Variants in R3HDM2 observed in about 807,000 individuals in gnomAD.
R3HDM2 encodes the protein R3H domain containing 2.
In R3HDM2, 38 loss-of-function variants were observed where a neutral mutation model predicts 124.5. That is an observed-to-expected ratio of 0.31 (90% CI 0.24 to 0.40). The LOEUF (loss-of-function observed/expected upper bound fraction) is 0.40, where lower values mean the gene tolerates loss of function less well. Among genes scored for constraint, R3HDM2 ranks in the 10% least tolerant of loss-of-function variants. R3HDM2 has a pLI of 1.00. For missense variants in R3HDM2, 869 were observed against 1,236.9 expected (o/e 0.70, Z 4.46); for synonymous variants, 391 against 448.0 (o/e 0.87, Z 1.61).
At chr12:57,416,227 A>C (rs2069584553) in intron 1 of R3HDM2, among the ~76,000 whole-genome samples, 1 of 152,166 alleles carries the variant, frequency 6.6e-6, no homozygotes, top group South Asian at 2.1e-4. Flanking sequence ...CTATGTATGT[A>C]GGGAGGGAGC....
At chr12:57,397,922 G>A (rs1252826884) in intron 1 of R3HDM2, among the ~76,000 whole-genome samples, 1 of 152,146 alleles carries the variant, frequency 6.6e-6, no homozygotes, top group Non-Finnish European at 1.5e-5. Flanking sequence ...AGTGGCTCAC[G>A]CCTATAATCC....
At chr12:57,260,399 G>A (rs546861305) in intron 19 of R3HDM2, among the ~76,000 whole-genome samples, 7 of 151,944 alleles carry the variant, frequency 4.6e-5, no homozygotes, top group African/African-American at 1.4e-4. Flanking sequence ...GACTGAATGC[G>A]ACTTTGAGGT....
At chr12:57,417,889 T>C (rs1014682987) in intron 1 of R3HDM2, among the ~76,000 whole-genome samples, 4 of 152,212 alleles carry the variant, frequency 2.6e-5, no homozygotes, top group Middle Eastern at 3.2e-3. Context: ...TCCAATGCTA[T>C]CAGGCCAGGA....
chr12:57,370,400 G>GA (rs1566374455), intron 2 of R3HDM2, among the ~76,000 whole-genome samples: 1 of 115,540 alleles, frequency 8.7e-6, no homozygotes, highest in Admixed American at 8.9e-5. Context: ...GGAGGCCCGG[G>GA]GGGGGGGGGC....
At chr12:57,349,154 G>A (rs1206078484) in intron 2 of R3HDM2, among the ~76,000 whole-genome samples, 1 of 151,942 alleles carries the variant, frequency 6.6e-6, no homozygotes, top group Non-Finnish European at 1.5e-5. Context: ...GCTGAGGCGG[G>A]CAGATCACGA....
chr12:57,283,773 A>C (rs1447679385), intron 13 of R3HDM2, 51 bp downstream of exon 13: 1 of 1,552,632 alleles, frequency 6.4e-7, no homozygotes, highest in Admixed American at 1.7e-5. Flanking sequence ...GTTTCACAGG[A>C]GACAAGCAAG....
At chr12:57,349,862 T>TA (rs1279739965) in intron 2 of R3HDM2, among the ~76,000 whole-genome samples, 1 of 146,870 alleles carries the variant, frequency 6.8e-6, no homozygotes, top group Non-Finnish European at 1.5e-5. Flanking sequence ...GCCTGGCCAG[T>TA]ACATGGTTTT....
intron 1 of R3HDM2, among the ~76,000 whole-genome samples, chr12:57,401,586 C>A (rs1186078540): frequency 1.3e-5 from 2 of 152,178 alleles, no homozygotes; most frequent in Admixed American, 6.5e-5. Context: ...GACCATTGAA[C>A]AAAATAGATT....
intron 2 of R3HDM2, among the ~76,000 whole-genome samples, chr12:57,363,497 A>G (rs1400610316): frequency 6.6e-6 from 1 of 152,210 alleles, no homozygotes; most frequent in Non-Finnish European, 1.5e-5. Context: ...GATAGGAGGA[A>G]TAAGTTCTAA....
chr12:57,261,757 C>CA (rs35440132), intron 19 of R3HDM2, among the ~76,000 whole-genome samples: 43,565 of 81,262 alleles, frequency 0.54, 9,435 homozygotes, highest in Middle Eastern at 0.77. Context: ...ATAGACGTGG[C>CA]AAAAAAAAAA....
intron 2 of R3HDM2, among the ~76,000 whole-genome samples, chr12:57,319,894 C>T (rs1168003587): frequency 3.9e-5 from 6 of 152,050 alleles, no homozygotes; most frequent in African/African-American, 7.2e-5. Flanking sequence ...AGAAGGCTCT[C>T]GTTACTCTTG....
chr12:57,296,335 T>C lies in R3HDM2; in HGVS notation c.701+76A>G, dbSNP rs2049878026. 1.3e-6 allele frequency: 2 copies of C among 1,498,640 alleles called. No homozygotes were observed. The highest frequency in any genetic ancestry group is 1.8e-6 in the Non-Finnish European group (2 of 1,102,766). 92.8% of individuals were successfully genotyped at this position (1,498,640 alleles called of 1,614,324 possible). ...GCCTGGCCATCTGCAAGAGACATCCTGATCCTACACCTTCCTCTTCCAACC... is the reference window on the plus strand; with the variant it reads ...GCCTGGCCATCTGCAAGAGACATCCCGATCCTACACCTTCCTCTTCCAACC... On this transcript the variant is annotated intron_variant, in intron 9 of 23. Transcript: ENST00000402412. This position sits in a 1 kb window ranked among gnomAD's most constrained non-coding sequence, Gnocchi z 4.5.
chr12:57,390,871 G>A (rs1037643069), intron 2 of R3HDM2, among the ~76,000 whole-genome samples: 3 of 152,046 alleles, frequency 2.0e-5, no homozygotes, highest in Admixed American at 6.6e-5. Context: ...AATTAGCCAG[G>A]TGTGGTGGTG....
chr12:57,366,888 C>T (rs1219659800), intron 2 of R3HDM2, among the ~76,000 whole-genome samples: 3 of 152,120 alleles, frequency 2.0e-5, no homozygotes, highest in Admixed American at 6.5e-5. Context: ...GACAGGGTTT[C>T]ACTGTGTTAC....
chr12:57,315,113 C>T (rs2054741581), intron 2 of R3HDM2, among the ~76,000 whole-genome samples: 1 of 151,996 alleles, frequency 6.6e-6, no homozygotes, highest in Admixed American at 6.6e-5. Flanking sequence ...ATCTCACTCA[C>T]TGCAACTTCT....
intron 21 of R3HDM2, among the ~76,000 whole-genome samples, chr12:57,256,817 T>TCTCC (rs67517244): frequency 1.1e-5 from 1 of 90,014 alleles, no homozygotes. Flanking sequence ...ATGTCTTTTA[T>TCTCC]CTCTCTTTTT....
intron 14 of R3HDM2, among the ~76,000 whole-genome samples, chr12:57,271,437 T>TACACACAC (rs34695167): frequency 3.4e-4 from 51 of 149,522 alleles, no homozygotes; most frequent in African/African-American, 1.1e-3. Context: ...TGGACAGTAA[T>TACACACAC]ACACACACAC....
At position 57,429,464 on chromosome 12, in the gene R3HDM2, C is replaced by G. The variant is rs566478499; in HGVS notation, c.-106+1256G>C. On this transcript the variant is annotated intron_variant, in intron 1 of 23. Coordinates refer to ENST00000402412, the MANE Select transcript of R3HDM2 (RefSeq NM_001394031.1). ...CTTTTTGTCTTTCCCGGCGCGGTGG[C>G]TCAAGCCTACCACTTTGGGAGGCCA... Among the ~76,000 whole-genome samples the G allele has an allele frequency of 2.6e-5, 4 of 152,236 alleles. No individual in the cohort carries two copies. The South Asian group carries it at 8.3e-4, about 32-fold the overall frequency.
intron 2 of R3HDM2, chr12:57,341,379 A>C: frequency 1.0e-6 from 1 of 979,644 alleles, no homozygotes. Flanking sequence ...CAGAAGGAAG[A>C]ACGCACCGCT....
Sources: gnomAD v4.1 joint callset for allele counts (sites outside exome capture counted in the v4.1 genomes callset) on GRCh38, gnomAD v4.1.1 for gene constraint, Gnocchi (gnomAD v3.1) non-coding constraint, MANE v1.5 for transcripts, NCBI Gene and HGNC (gene_info 2026-07-23, HGNC 2026-07-21) for gene names.